ANO3: variants seen among roughly 807,000 people sequenced by gnomAD.
ANO3 encodes the protein anoctamin-3.
In ANO3, 99 loss-of-function variants were observed where a neutral mutation model predicts 144.8. That is an observed-to-expected ratio of 0.68 (90% CI 0.58 to 0.81). The LOEUF (loss-of-function observed/expected upper bound fraction) is 0.81. Among genes scored for constraint, ANO3 ranks in the 30% least tolerant of loss-of-function variants. The pLI is 0.00. For synonymous variants in ANO3, 414 were observed against 392.6 expected (o/e 1.05, Z -0.64); for missense variants, 905 against 1,202.2 (o/e 0.75, Z 3.66).
chr11:26,216,111 C>T (rs1332477062), intron 1 of ANO3, among the ~76,000 whole-genome samples: 1 of 151,920 alleles, frequency 6.6e-6, no homozygotes, highest in Non-Finnish European at 1.5e-5. Context: ...AGATGGAAGG[C>T]TTTGGTATAA....
At chr11:26,643,528 G>A (rs1227644251) in intron 23 of ANO3, among the ~76,000 whole-genome samples, 194 bp downstream of exon 23, 1 of 152,122 alleles carries the variant, frequency 6.6e-6, no homozygotes, top group East Asian at 1.9e-4. Flanking sequence ...GGCTGAGGTG[G>A]GCAGTTCACC....
chr11:26,220,468 CT>C (rs1473093224), intron 1 of ANO3, among the ~76,000 whole-genome samples: 9 of 152,178 alleles, frequency 5.9e-5, no homozygotes, highest in Non-Finnish European at 1.2e-4. Flanking sequence ...TCTACAATAC[CT>C]AAGATGTTTA....
At chr11:26,496,419 C>T (rs1377265020) in intron 4 of ANO3, among the ~76,000 whole-genome samples, 4 of 152,132 alleles carry the variant, frequency 2.6e-5, no homozygotes, top group Non-Finnish European at 5.9e-5. Context: ...TGCAGATGTC[C>T]TTGGAGGTAA....
intron 1 of ANO3, among the ~76,000 whole-genome samples, chr11:26,296,393 G>A (rs1422727449): frequency 6.6e-6 from 1 of 152,086 alleles, no homozygotes; most frequent in Admixed American, 6.5e-5. Flanking sequence ...ATGCTTTGGG[G>A]GATTATGAAT....
chr11:26,191,623 T>C (rs937744867), intron 1 of ANO3, among the ~76,000 whole-genome samples: 1 of 152,212 alleles, frequency 6.6e-6, no homozygotes, highest in Non-Finnish European at 1.5e-5. Context: ...GCTCTGTTTT[T>C]TTCCAAAACA....
At chr11:26,534,678 A>T in intron 9 of ANO3, 116 bp downstream of exon 9, 1 of 642,308 alleles carries the variant, frequency 1.6e-6, no homozygotes, top group Non-Finnish European at 2.7e-6. Flanking sequence ...TGTGTATAAC[A>T]TATTGAACAC....
chr11:26,629,049 G>T (rs1852683394), intron 18 of ANO3, among the ~76,000 whole-genome samples: 1 of 152,036 alleles, frequency 6.6e-6, no homozygotes, highest in Middle Eastern at 3.2e-3. Flanking sequence ...GTCAAGGTTG[G>T]AGGCAACTAC....
intron 1 of ANO3, among the ~76,000 whole-genome samples, chr11:26,398,990 A>C (rs1857082818): frequency 6.6e-6 from 1 of 152,022 alleles, no homozygotes; most frequent in Admixed American, 6.6e-5. Context: ...AGGCCACTGC[A>C]AGTGGATGGA....
chr11:26,299,932 A>T (rs1854186583), intron 1 of ANO3, among the ~76,000 whole-genome samples: 1 of 152,172 alleles, frequency 6.6e-6, no homozygotes, highest in African/African-American at 2.4e-5. Flanking sequence ...AAGCAAAATT[A>T]TCAGCTAAGA....
intron 3 of ANO3, among the ~76,000 whole-genome samples, chr11:26,447,206 CAAAAAAAA>C (rs11464160): frequency 2.0e-5 from 1 of 49,852 alleles, no homozygotes; most frequent in Non-Finnish European, 3.4e-5. Context: ...GACTCTGCCT[CAAAAAAAA>C]AAAAAAAAAA....
chr11:26,254,157 C>T (rs1853001544), intron 1 of ANO3, among the ~76,000 whole-genome samples: 1 of 152,098 alleles, frequency 6.6e-6, no homozygotes, highest in African/African-American at 2.4e-5. Flanking sequence ...AAGCTGGTGA[C>T]TTACGAGTAC....
At chr11:26,240,752 C>T (rs1338842396) in intron 1 of ANO3, among the ~76,000 whole-genome samples, 1 of 152,084 alleles carries the variant, frequency 6.6e-6, no homozygotes, top group Admixed American at 6.5e-5. Context: ...ACTCCCTTGA[C>T]CCAGGAATTC....
rs1026455432 is a variant in ANO3 at position 26,610,052 on chromosome 11, C to T, written c.1836+10338C>T. Among the ~76,000 whole-genome samples the T allele has an allele frequency of 2.6e-5, 4 of 152,346 alleles. No individual in the cohort carries two copies. In the South Asian group the frequency reaches 8.3e-4, roughly 32 times the overall value. On this transcript the variant is annotated intron_variant, in intron 17 of 26. Coordinates refer to ENST00000256737, the MANE Select transcript of ANO3 (RefSeq NM_031418.4). ...TCAGCCTCCAGAGTAGCTGGGATTA[C>T]AGGCGTGTGCCACCGCACCCAGCTA... is the stretch of plus-strand genomic sequence containing the variant.
intron 1 of ANO3, among the ~76,000 whole-genome samples, chr11:26,314,222 G>A (rs1000150082): frequency 6.6e-6 from 1 of 152,068 alleles, no homozygotes; most frequent in African/African-American, 2.4e-5. Context: ...ATTACTGCAC[G>A]GCAATCATCT....
rs192037746 is a variant in ANO3, at chr11:26,497,066, A to G, written c.433-11038A>G. Among the ~76,000 whole-genome samples, 234 of 151,212 alleles carry G rather than the reference A, an allele frequency of 1.5e-3. 5 individuals carry two copies. The South Asian group carries it at 0.024, about 15-fold the overall frequency. On this transcript the variant is annotated intron_variant, in intron 4 of 26. Transcript: ENST00000256737. ...CACACACTACATTTTCTCTCTCTAT[A>G]TATATACACAGACACACAAACCTAT...
chr11:26,281,304 G>A (rs1853674136), intron 1 of ANO3, among the ~76,000 whole-genome samples: 1 of 152,094 alleles, frequency 6.6e-6, no homozygotes, highest in African/African-American at 2.4e-5. Context: ...ATGACTGAAT[G>A]AATGAAGAGG....
intron 18 of ANO3, among the ~76,000 whole-genome samples, chr11:26,627,850 T>C (rs1166647249): frequency 6.9e-6 from 1 of 144,782 alleles, no homozygotes; most frequent in Non-Finnish European, 1.5e-5. Context: ...TGTGTGTGTG[T>C]GTGTGCGCCT....
At chr11:26,546,493 C>T (rs1028838041) in intron 11 of ANO3, among the ~76,000 whole-genome samples, 4 of 151,852 alleles carry the variant, frequency 2.6e-5, no homozygotes, top group African/African-American at 4.8e-5. Flanking sequence ...TATGCCCAAA[C>T]GAACTTTAAA....
rs1230238699 is a variant in ANO3, at chr11:26,660,165, GAT to G, written c.2764-96_2764-95del. 10 of 1,102,218 alleles carry G rather than the reference GAT, an allele frequency of 9.1e-6. 1 individual carries two copies. The Admixed American group carries it at 1.2e-4, about 14-fold the overall frequency. 68.3% of individuals were successfully genotyped at this position (1,102,218 alleles called of 1,614,324 possible). A position where few individuals can be genotyped will look rare whatever the true frequency, so the allele number is the denominator to read the frequency against. Reference sequence around the variant, plus strand: ...TGGTACATACTAAGTTCTGATGCTTGATTCAAGGCAAATGCAACATTGTTCAT... The same window carrying G: ...TGGTACATACTAAGTTCTGATGCTTGTCAAGGCAAATGCAACATTGTTCAT... On this transcript the variant is annotated intron_variant, in intron 26 of 26. Transcript: ENST00000256737.
Sources: allele counts gnomAD v4.1 joint callset (sites outside exome capture counted in the v4.1 genomes callset), GRCh38; gene constraint gnomAD v4.1.1; transcripts MANE v1.5; gene names NCBI Gene and HGNC (gene_info 2026-07-23, HGNC 2026-07-21).